XKR9: variants seen among roughly 807,000 people sequenced by gnomAD.
XKR9 encodes XK related 9, also known as XK-related protein 9.
XKR9 carries 32 observed loss-of-function variants against 32.0 expected under a neutral mutation model. The observed-to-expected ratio is 1.00, with a 90% confidence interval of 0.76 to 1.34. XKR9 has a LOEUF of 1.34. XKR9 is among the 40% of genes most tolerant of loss of function. XKR9 has a pLI of 0.00. For synonymous variants in XKR9, 168 were observed against 143.4 expected (o/e 1.17, Z -1.22); for missense variants, 546 against 429.7 (o/e 1.27, Z -2.39).
chr8:70,931,967 C>T, the XKR9 span, among the ~76,000 whole-genome samples: 2 of 152,096 alleles, frequency 1.3e-5, no homozygotes, highest in Non-Finnish European at 2.9e-5. Context: ...ACATCCTAAC[C>T]ATATCAGGTA....
At chr8:70,912,564 T>C in the XKR9 span, among the ~76,000 whole-genome samples, 1 of 152,038 alleles carries the variant, frequency 6.6e-6, no homozygotes, top group Non-Finnish European at 1.5e-5. Flanking sequence ...GGGGTAAAAA[T>C]TGAGGAATTA....
chr8:70,737,787 A>G (rs1287544224), downstream of XKR9, among the ~76,000 whole-genome samples: 1 of 129,148 alleles, frequency 7.7e-6, no homozygotes, highest in Non-Finnish European at 1.8e-5. Flanking sequence ...ATTTGCATAT[A>G]TTGAACCAGC....
At chr8:70,765,191 T>C (rs1415811377) in intron 2 of XKR9, among the ~76,000 whole-genome samples, 3 of 152,226 alleles carry the variant, frequency 2.0e-5, no homozygotes, top group Non-Finnish European at 2.9e-5. Context: ...ATGGTTGAAC[T>C]AATTTACACT....
rs149362883 is a variant in XKR9, at chr8:70,733,914, A to G, written c.612A>G (p.Thr204=). ...TTAATGGATTATGTCCCAAAATCACATATCTCTTTTACAAGTTGTTTACAT... is the reference window on the plus strand; with the variant it reads ...TTAATGGATTATGTCCCAAAATCACGTATCTCTTTTACAAGTTGTTTACAT... ...KLLNGLCPKI[T]YLFYKLFTLL... The change falls in exon 5 of 5, where the codon ACA becomes ACG. Residue 204 remains threonine (T), a synonymous_variant. Coordinates refer to ENST00000408926, the MANE Select transcript of XKR9 (RefSeq NM_001011720.2). 109 of 1,611,894 alleles carry G rather than the reference A, an allele frequency of 6.8e-5. No homozygotes were observed. Among genetic ancestry groups the G allele is most frequent in the African/African-American group, 3.7e-4 (28 of 74,996 alleles).
chr8:70,676,683 A>G (rs1193997163), intron 2 of XKR9, among the ~76,000 whole-genome samples: 1 of 152,146 alleles, frequency 6.6e-6, no homozygotes, highest in East Asian at 1.9e-4. Context: ...TTTCTTGGAA[A>G]TTATTCTTTC....
intron 2 of XKR9, among the ~76,000 whole-genome samples, chr8:70,758,948 T>C (rs1807267780): frequency 6.6e-6 from 1 of 152,218 alleles, no homozygotes; most frequent in Non-Finnish European, 1.5e-5. Flanking sequence ...TGTGACCGTT[T>C]AGGATGAATT....
the XKR9 span, among the ~76,000 whole-genome samples, chr8:70,815,671 G>T: frequency 6.6e-6 from 1 of 151,740 alleles, no homozygotes; most frequent in Non-Finnish European, 1.5e-5. Context: ...GACTACAGGC[G>T]CCCGCCACCA....
chr8:70,755,858 T>C (rs1385537558), intron 2 of XKR9, among the ~76,000 whole-genome samples: 1 of 151,642 alleles, frequency 6.6e-6, no homozygotes, highest in Non-Finnish European at 1.5e-5. Context: ...CATGTATACA[T>C]ATGTAACTAA....
the XKR9 span, among the ~76,000 whole-genome samples, chr8:70,982,527 T>A: frequency 6.6e-6 from 1 of 152,058 alleles, no homozygotes; most frequent in African/African-American, 2.4e-5. Flanking sequence ...CTAAAGGTGG[T>A]CTCACTCCCA....
chr8:70,697,151 T>C (rs920446169), intron 3 of XKR9, among the ~76,000 whole-genome samples: 1 of 149,700 alleles, frequency 6.7e-6, no homozygotes, highest in Non-Finnish European at 1.5e-5. Flanking sequence ...TGACTTCCTC[T>C]TTTCCTAGTT....
the XKR9 span, among the ~76,000 whole-genome samples, chr8:70,806,914 G>T: frequency 6.6e-6 from 1 of 151,980 alleles, no homozygotes; most frequent in South Asian, 2.1e-4. Context: ...GAAATACAGA[G>T]AACACCACTA....
chr8:70,782,427 C>A (rs1022627422), intron 2 of XKR9, among the ~76,000 whole-genome samples: 5 of 151,812 alleles, frequency 3.3e-5, no homozygotes, highest in African/African-American at 4.8e-5. Context: ...TGAAATGTAC[C>A]CTTAGTTTAG....
the XKR9 span, among the ~76,000 whole-genome samples, chr8:70,961,017 A>G: frequency 6.6e-6 from 1 of 152,206 alleles, no homozygotes; most frequent in Non-Finnish European, 1.5e-5. Flanking sequence ...CAAAGATACA[A>G]AAATTAGCCG....
At chr8:70,829,594 G>T in the XKR9 span, among the ~76,000 whole-genome samples, 2 of 152,008 alleles carry the variant, frequency 1.3e-5, no homozygotes, top group Non-Finnish European at 2.9e-5. Flanking sequence ...GACTACAGGC[G>T]CCCGCTACCA....
the XKR9 span, among the ~76,000 whole-genome samples, chr8:70,960,261 AT>A: frequency 4.0e-5 from 6 of 149,324 alleles, no homozygotes; most frequent in African/African-American, 1.5e-4. Context: ...AAAAAAAAAA[AT>A]ATATTTGCTT....
At chr8:70,972,508 A>G in the XKR9 span, among the ~76,000 whole-genome samples, 1 of 152,164 alleles carries the variant, frequency 6.6e-6, no homozygotes, top group Non-Finnish European at 1.5e-5. Flanking sequence ...TATGTTGAAT[A>G]GAAGTGGTAA....
chr8:70,710,643 G>T (rs1311348816), intron 4 of XKR9, among the ~76,000 whole-genome samples: 1 of 152,180 alleles, frequency 6.6e-6, no homozygotes, highest in Non-Finnish European at 1.5e-5. Context: ...GGCGGAGGTT[G>T]CAGTGAGCCA....
chr8:70,857,889 G>A, the XKR9 span, among the ~76,000 whole-genome samples: 1 of 152,126 alleles, frequency 6.6e-6, no homozygotes, highest in African/African-American at 2.4e-5. Context: ...AATAGATGCA[G>A]AAAAGGCCTT....
the XKR9 span, among the ~76,000 whole-genome samples, chr8:70,883,491 C>T: frequency 6.6e-6 from 1 of 152,098 alleles, no homozygotes; most frequent in East Asian, 1.9e-4. Context: ...TGGGTAGATA[C>T]CCAGTAGTGG....
Sources: gnomAD v4.1 joint callset for allele counts (sites outside exome capture counted in the v4.1 genomes callset) on GRCh38, gnomAD v4.1.1 for gene constraint, MANE v1.5 for transcripts, NCBI Gene and HGNC (gene_info 2026-07-23, HGNC 2026-07-21) for gene names.